Variants in SEMA3E observed in about 807,000 individuals in gnomAD.
SEMA3E encodes semaphorin 3E, also known as semaphorin-3E.
A neutral mutation model predicts 93.6 loss-of-function variants in SEMA3E; 49 were observed. The observed-to-expected ratio is 0.52, with a 90% CI of 0.42 to 0.66. SEMA3E has a LOEUF of 0.66. Among genes scored for constraint, SEMA3E ranks in the 30% least tolerant of loss-of-function variants. The pLI is 0.00. For missense variants in SEMA3E, 906 were observed against 964.8 expected (o/e 0.94, Z 0.81); for synonymous variants, 363 against 330.7 (o/e 1.10, Z -1.06).
intron 4 of SEMA3E, among the ~76,000 whole-genome samples, chr7:83,426,118 C>T (rs1391997630): frequency 6.6e-6 from 1 of 152,048 alleles, no homozygotes; most frequent in Non-Finnish European, 1.5e-5. Context: ...CATACACTGC[C>T]AGTGGGAATT....
At chr7:83,448,455 T>G (rs764844655) in intron 4 of SEMA3E, among the ~76,000 whole-genome samples, 8 of 152,094 alleles carry the variant, frequency 5.3e-5, no homozygotes, top group Admixed American at 2.6e-4. Flanking sequence ...AGGGCTACAG[T>G]GAGCTATGAT....
At chr7:83,427,519 C>T (rs755282691) in intron 4 of SEMA3E, among the ~76,000 whole-genome samples, 22 of 152,104 alleles carry the variant, frequency 1.4e-4, no homozygotes, top group Non-Finnish European at 2.9e-4. Flanking sequence ...CCATAGACTA[C>T]ATAGTATTGA....
chr7:83,571,733 G>A (rs969664293), intron 1 of SEMA3E, among the ~76,000 whole-genome samples: 1 of 152,144 alleles, frequency 6.6e-6, no homozygotes. Context: ...GAGGAATCAG[G>A]CAAGAGAAAG....
intron 4 of SEMA3E, among the ~76,000 whole-genome samples, chr7:83,443,271 A>G (rs973269314): frequency 6.6e-6 from 1 of 152,210 alleles, no homozygotes; most frequent in African/African-American, 2.4e-5. Context: ...GGGTTGGATT[A>G]GAGCTCCTGA....
At chr7:83,410,866 G>C (rs1343482618) in intron 5 of SEMA3E, among the ~76,000 whole-genome samples, 1 of 152,000 alleles carries the variant, frequency 6.6e-6, no homozygotes, top group African/African-American at 2.4e-5. Flanking sequence ...CAAATATAAA[G>C]ACCAGCTTGT....
At chr7:83,541,413 G>A (rs1363430174) in intron 1 of SEMA3E, among the ~76,000 whole-genome samples, 1 of 152,070 alleles carries the variant, frequency 6.6e-6, no homozygotes, top group Non-Finnish European at 1.5e-5. Flanking sequence ...GACCATGAGA[G>A]GCCACAATAC....
intron 1 of SEMA3E, among the ~76,000 whole-genome samples, chr7:83,618,076 A>C (rs980635461): frequency 2.0e-5 from 3 of 152,134 alleles, no homozygotes; most frequent in Non-Finnish European, 4.4e-5. Context: ...TAGATGACAG[A>C]AGAGATGGCA....
chr7:83,571,275 A>T (rs1380251319), intron 1 of SEMA3E, among the ~76,000 whole-genome samples: 3 of 152,206 alleles, frequency 2.0e-5, no homozygotes, highest in Non-Finnish European at 4.4e-5. Flanking sequence ...ATGAAAAAAG[A>T]AAACTTCAGG....
chr7:83,528,239 T>G (rs1299383283), intron 1 of SEMA3E, among the ~76,000 whole-genome samples: 1 of 152,036 alleles, frequency 6.6e-6, no homozygotes. Context: ...ATTTCTAACT[T>G]GGGAAACTCA....
intron 1 of SEMA3E, among the ~76,000 whole-genome samples, chr7:83,569,446 T>G (rs1346192241): frequency 6.6e-6 from 1 of 152,062 alleles, no homozygotes; most frequent in Non-Finnish European, 1.5e-5. Flanking sequence ...AGTGGCAAAC[T>G]GGATTAAAAA....
At position 83,367,914 on chromosome 7, in the gene SEMA3E, T is replaced by C. The variant is rs146394275; in HGVS notation, c.2000A>G (p.Lys667Arg). Residue 667 changes from lysine to arginine, a missense_variant, in exon 17 of 17, where the codon AAA becomes AGA. Transcript: ENST00000643230. Reference protein sequence around the residue: ...VEHSFVHTVRKITLEVVEEEK... With the variant: ...VEHSFVHTVRRITLEVVEEEK... ...CTCTTCCACTACCTCCAAGGTGATT[T>C]TACGGACCGTATGGACAAAGCTATG... The C allele has an allele frequency of 1.2e-6, 2 of 1,610,938 alleles. No homozygotes were observed. The highest frequency in any genetic ancestry group is 1.7e-6 in the Non-Finnish European group (2 of 1,178,030).
intron 4 of SEMA3E, among the ~76,000 whole-genome samples, chr7:83,459,918 C>A (rs1306263198): frequency 1.3e-5 from 2 of 152,138 alleles, no homozygotes; most frequent in Non-Finnish European, 2.9e-5. Context: ...ACCTTGCGAC[C>A]CCCACTCCTG....
intron 14 of SEMA3E, 98 bp from the exon 15 acceptor site, chr7:83,387,148 C>CT: frequency 1.0e-6 from 1 of 962,990 alleles, no homozygotes; most frequent in Non-Finnish European, 1.6e-6. Context: ...TATTCTGCTA[C>CT]TGAAAAAAAT....
At chr7:83,646,117 G>A (rs1023808166) in intron 1 of SEMA3E, among the ~76,000 whole-genome samples, 4 of 152,022 alleles carry the variant, frequency 2.6e-5, no homozygotes, top group African/African-American at 9.7e-5. Context: ...CAGCGGTACA[G>A]AGATGCTATA....
At chr7:83,398,681 C>T (rs12666779) in intron 11 of SEMA3E, among the ~76,000 whole-genome samples, 14,494 of 152,120 alleles carry the variant, frequency 0.095, 847 homozygotes, top group East Asian at 0.15. Context: ...TGGTGGCTTA[C>T]GCCAGTAATA....
intron 1 of SEMA3E, among the ~76,000 whole-genome samples, chr7:83,629,927 C>T (rs187918987): frequency 2.6e-5 from 4 of 152,250 alleles, no homozygotes; most frequent in African/African-American, 7.2e-5. Context: ...TGCAGGCACC[C>T]GAGGGAATCT....
Position 83,622,185 on chromosome 7 carries a change from C to G in SEMA3E, c.115+26243G>C, listed in dbSNP as rs182878781. 3.9e-3 allele frequency among the ~76,000 whole-genome samples: 593 copies of G among 151,866 alleles called. 14 individuals carry two copies. Among genetic ancestry groups the G allele is most frequent in the Non-Finnish European group, 1.6e-3 (108 of 67,942 alleles). On this transcript the variant is annotated intron_variant, in intron 1 of 16. Coordinates refer to ENST00000643230, the MANE Select transcript of SEMA3E (RefSeq NM_012431.3). ...AAAGTGGGCAAAGGACATGAATAGA[C>G]ACTTCTCAAAAGAAGACATACATGC...
chr7:83,585,761 A>G (rs570535840), intron 1 of SEMA3E, among the ~76,000 whole-genome samples: 1 of 152,310 alleles, frequency 6.6e-6, no homozygotes, highest in South Asian at 2.1e-4. Flanking sequence ...TCTTTGGGAA[A>G]CAAATTGAGC....
intron 1 of SEMA3E, among the ~76,000 whole-genome samples, chr7:83,536,640 T>C (rs149797316): frequency 6.6e-6 from 1 of 152,100 alleles, no homozygotes; most frequent in East Asian, 1.9e-4. Flanking sequence ...AAAGGTACAA[T>C]AAAACTTTGG....
Sources: allele counts gnomAD v4.1 joint callset (sites outside exome capture counted in the v4.1 genomes callset), GRCh38; gene constraint gnomAD v4.1.1; transcripts MANE v1.5; gene names NCBI Gene and HGNC (gene_info 2026-07-23, HGNC 2026-07-21).